Variants in PHACTR1 observed in about 807,000 individuals in gnomAD.
PHACTR1 encodes the protein RPEL repeat containing 1.
Under a neutral mutation model 69.2 loss-of-function variants are expected in PHACTR1, and 16 were observed. The observed-to-expected ratio is 0.23, with a 90% CI of 0.16 to 0.35. The LOEUF is 0.35. Among genes scored for constraint, PHACTR1 ranks in the 10% least tolerant of loss-of-function variants. PHACTR1 has a pLI of 1.00. For missense variants in PHACTR1, 510 were observed against 734.7 expected (o/e 0.69, Z 3.54); for synonymous variants, 312 against 284.5 (o/e 1.10, Z -0.97).
At chr6:13,181,278 A>G (rs1762147920) in intron 6 of PHACTR1, among the ~76,000 whole-genome samples, 1 of 152,202 alleles carries the variant, frequency 6.6e-6, no homozygotes, top group African/African-American at 2.4e-5. Context: ...GGAACATAGC[A>G]AAAAGGAAAG....
chr6:13,223,894 G>T (rs1769105604), intron 8 of PHACTR1, among the ~76,000 whole-genome samples: 1 of 151,608 alleles, frequency 6.6e-6, no homozygotes, highest in Admixed American at 6.6e-5. Flanking sequence ...ATTCATTGAG[G>T]ATGCCCTTTT....
chr6:12,931,826 C>A (rs1323417134), intron 4 of PHACTR1, among the ~76,000 whole-genome samples: 1 of 151,802 alleles, frequency 6.6e-6, no homozygotes, highest in Non-Finnish European at 1.5e-5. Flanking sequence ...CAATTGTGGT[C>A]TCAACAGCTC....
intron 5 of PHACTR1, among the ~76,000 whole-genome samples, chr6:13,136,683 C>A (rs942845625): frequency 1.3e-5 from 2 of 152,158 alleles, no homozygotes; most frequent in South Asian, 4.1e-4. Flanking sequence ...TAATGCGACT[C>A]CTCCTTTCAC....
chr6:12,818,669 G>A (rs575928351), intron 4 of PHACTR1, among the ~76,000 whole-genome samples: 16 of 152,198 alleles, frequency 1.1e-4, no homozygotes, highest in Admixed American at 3.9e-4. Flanking sequence ...ATTTTCTAAT[G>A]AGTTGACAGC....
rs573496266 is a variant in PHACTR1, at chr6:12,926,189, G to A, written c.251-127176G>A. ...GGCCCAATGCCCTGACTTCTTCCTC[G>A]TCTAGAATTATGGCTACCATTGATG... On this transcript the variant is annotated intron_variant, in intron 4 of 14. Transcript: ENST00000332995. Among the ~76,000 whole-genome samples the A allele has an allele frequency of 5.9e-5, 9 of 151,740 alleles. 1 individual carries two copies. Among genetic ancestry groups the A allele is most frequent in the Non-Finnish European group, 1.2e-4 (8 of 67,984 alleles).
chr6:12,819,810 G>A (rs1489020746), intron 4 of PHACTR1, among the ~76,000 whole-genome samples: 3 of 152,166 alleles, frequency 2.0e-5, no homozygotes, highest in Non-Finnish European at 4.4e-5. Context: ...CATCAAATGC[G>A]AGCAGAAAGC....
rs1258005316 is a variant in PHACTR1 at position 12,825,234 on chromosome 6, G to A, written c.250+75444G>A. Among the ~76,000 whole-genome samples, 6 of 151,720 alleles carry A rather than the reference G, an allele frequency of 4.0e-5. No homozygotes were observed. In the East Asian group the frequency reaches 1.2e-3, roughly 30 times the overall value. The stretch of plus-strand genomic sequence containing the variant: ...AGGCTGGATCAGGATGATGGCTTGA[G>A]CCCCGGAGTTCAAGGCTGCAGAGGG... On this transcript the variant is annotated intron_variant, in intron 4 of 14. Transcript: ENST00000332995.
intron 4 of PHACTR1, among the ~76,000 whole-genome samples, chr6:12,927,165 G>T (rs1011433262): frequency 6.6e-6 from 1 of 152,138 alleles, no homozygotes. Flanking sequence ...AGAGGGCAAG[G>T]GTCTAAAATC....
intron 4 of PHACTR1, among the ~76,000 whole-genome samples, chr6:12,960,692 A>G (rs1792601921): frequency 6.6e-6 from 1 of 152,172 alleles, no homozygotes; most frequent in Non-Finnish European, 1.5e-5. Flanking sequence ...TGCCTCAGCC[A>G]TGCTATAAGT....
intron 4 of PHACTR1, among the ~76,000 whole-genome samples, chr6:12,892,854 A>G (rs1291465139): frequency 1.3e-5 from 2 of 152,244 alleles, no homozygotes; most frequent in East Asian, 1.9e-4. Flanking sequence ...AAGAGATATC[A>G]TCATTGATAG....
chr6:13,149,655 CAG>C (rs1007050291), intron 5 of PHACTR1, among the ~76,000 whole-genome samples: 1 of 152,088 alleles, frequency 6.6e-6, no homozygotes, highest in African/African-American at 2.4e-5. Flanking sequence ...GAGGGGCTAA[CAG>C]AGAGCAGAGA....
At chr6:13,105,999 T>C (rs561255584) in intron 5 of PHACTR1, among the ~76,000 whole-genome samples, 9 of 152,338 alleles carry the variant, frequency 5.9e-5, no homozygotes, top group Non-Finnish European at 1.0e-4. Context: ...GTGTGAGTTA[T>C]AGTGTCTGGT....
In PHACTR1 at chr6:13,246,162, G is replaced by C. The variant is rs1452239459; in HGVS notation, c.1391+15969G>C. On this transcript the variant is annotated intron_variant, in intron 10 of 14. Transcript: ENST00000332995. The surrounding 1 kb of genome is among the most constrained non-coding windows in gnomAD (Gnocchi z 4.2). ...AGATCATGTTTTACTGGAATAAACA[G>C]GCCAGTTGTTAGTTAGCAACCATAA... is the stretch of plus-strand genomic sequence containing the variant. Among the ~76,000 whole-genome samples, 3 of 152,178 alleles carry C rather than the reference G, an allele frequency of 2.0e-5. No homozygotes were observed. The highest frequency in any genetic ancestry group is 1.3e-4 in the Admixed American group (2 of 15,284).
At chr6:13,252,380 A>G (rs908354944) in intron 10 of PHACTR1, among the ~76,000 whole-genome samples, 1 of 151,848 alleles carries the variant, frequency 6.6e-6, no homozygotes, top group African/African-American at 2.4e-5. Context: ...AGTCTAAAAA[A>G]GAAAAGGATA....
intron 5 of PHACTR1, among the ~76,000 whole-genome samples, chr6:13,113,500 T>C (rs1442448445): frequency 6.6e-6 from 1 of 152,120 alleles, no homozygotes; most frequent in Non-Finnish European, 1.5e-5. Context: ...AAAGAGAACA[T>C]AGATATGATC....
At chr6:12,747,382 C>G (rs9296456) in intron 3 of PHACTR1, among the ~76,000 whole-genome samples, 145,812 of 152,030 alleles carry the variant, frequency 0.96, 70,228 homozygotes, top group East Asian at 1. Flanking sequence ...AATAGCTGTT[C>G]GTCAGCTGTG....
At chr6:12,776,156 G>C (rs2127635009) in intron 4 of PHACTR1, among the ~76,000 whole-genome samples, 1 of 152,142 alleles carries the variant, frequency 6.6e-6, no homozygotes, top group Non-Finnish European at 1.5e-5. Context: ...GTATCTTTTG[G>C]CTTTAAATGG....
At chr6:13,193,733 C>T (rs1316802827) in intron 7 of PHACTR1, among the ~76,000 whole-genome samples, 5 of 151,998 alleles carry the variant, frequency 3.3e-5, no homozygotes, top group Non-Finnish European at 5.9e-5. Flanking sequence ...AAACTTCATA[C>T]GTCTATCTCC....
chr6:13,036,935 C>T (rs568090901), intron 4 of PHACTR1, among the ~76,000 whole-genome samples: 1 of 152,280 alleles, frequency 6.6e-6, no homozygotes, highest in East Asian at 1.9e-4. Context: ...CTGGTTACTT[C>T]CTATGTGTCA....
Sources: allele counts gnomAD v4.1 joint callset (sites outside exome capture counted in the v4.1 genomes callset), GRCh38; gene constraint gnomAD v4.1.1; non-coding constraint Gnocchi (gnomAD v3.1); transcripts MANE v1.5; gene names NCBI Gene and HGNC (gene_info 2026-07-23, HGNC 2026-07-21).